The following STK32B variants were observed in gnomAD, a reference collection of about 807,000 sequenced individuals.
STK32B encodes the protein serine/threonine kinase 32B.
A neutral mutation model predicts 52.6 loss-of-function variants in STK32B; 43 were observed. That is an observed-to-expected ratio of 0.82 (90% CI 0.64 to 1.05). The LOEUF is 1.05. STK32B is among the 50% of genes least tolerant of loss of function. STK32B has a pLI of 0.00. For missense variants in STK32B, 621 were observed against 534.6 expected, an observed-to-expected ratio of 1.16 and a Z score of -1.59; for synonymous variants, 238 against 204.3, an observed-to-expected ratio of 1.17 and a Z score of -1.41.
intron 11 of STK32B, among the ~76,000 whole-genome samples, chr4:5,488,553 T>A (rs1404485573): frequency 6.6e-6 from 1 of 152,176 alleles, no homozygotes; most frequent in Non-Finnish European, 1.5e-5. Context: ...TCACACACAT[T>A]ACTTTCATAA....
At chr4:5,466,941 C>T in intron 10 of STK32B, 107 bp downstream of exon 10, 1 of 1,399,694 alleles carries the variant, frequency 7.1e-7, no homozygotes, top group East Asian at 2.5e-5. Context: ...ATCCTCCCTT[C>T]CAATTTCCTT....
intron 6 of STK32B, among the ~76,000 whole-genome samples, chr4:5,431,142 C>A (rs1451053939): frequency 3.9e-5 from 6 of 152,166 alleles, no homozygotes; most frequent in African/African-American, 1.4e-4. Context: ...TTTGCTAAGG[C>A]CCTGAGGCAA....
intron 7 of STK32B, among the ~76,000 whole-genome samples, chr4:5,450,530 G>A (rs115313206): frequency 0.012 from 1,788 of 152,282 alleles, 19 homozygotes; most frequent in Non-Finnish European, 0.017. Flanking sequence ...CCCTTACTCA[G>A]TCGAAAGCTG....
At chr4:5,393,889 T>TGATACCTCCCTGTCCCTC in intron 4 of STK32B, among the ~76,000 whole-genome samples, 1 of 152,224 alleles carries the variant, frequency 6.6e-6, no homozygotes, top group South Asian at 2.1e-4. Flanking sequence ...CTCTGTCCTT[T>TGATACCTCCCTGTCCCTC]GCTACCTCCC....
chr4:5,197,470 C>T (rs546311537), intron 3 of STK32B, among the ~76,000 whole-genome samples: 3 of 152,362 alleles, frequency 2.0e-5, no homozygotes, highest in African/African-American at 7.2e-5. Flanking sequence ...TGTTCCTCAT[C>T]ACTCTGTATC....
rs1227562812 is a variant in STK32B at position 5,456,935 on chromosome 4, G to C, written c.783+12G>C. 6.6e-7 allele frequency: 1 copy of C among 1,511,122 alleles called. No individual in the cohort carries two copies. Among genetic ancestry groups the C allele is most frequent in the Non-Finnish European group, 8.9e-7 (1 of 1,123,860 alleles). 93.6% of individuals were successfully genotyped at this position (1,511,122 alleles called of 1,614,324 possible). A position where few individuals can be genotyped will look rare whatever the true frequency, so the allele number is the denominator to read the frequency against. On this transcript the variant is annotated intron_variant, in intron 8 of 11. Transcript: ENST00000282908. Reference sequence around the variant, plus strand: ...CCCTGCTGAGGAAGGTAAGGGGGCAGCTTCCAGCCTGCCCCGCCAGGGAGC... The same window carrying C: ...CCCTGCTGAGGAAGGTAAGGGGGCACCTTCCAGCCTGCCCCGCCAGGGAGC...
intron 4 of STK32B, among the ~76,000 whole-genome samples, chr4:5,392,542 T>G (rs1029021336): frequency 6.6e-6 from 1 of 152,178 alleles, no homozygotes; most frequent in African/African-American, 2.4e-5. Flanking sequence ...CCTAATTTAT[T>G]TTTTTTCATT....
chr4:5,364,744 G>A (rs994342439), intron 4 of STK32B, among the ~76,000 whole-genome samples: 3 of 152,140 alleles, frequency 2.0e-5, no homozygotes, highest in African/African-American at 7.2e-5. Flanking sequence ...ATCATGCTAA[G>A]CAGAAGAAAA....
At chr4:5,439,996 G>A (rs1490534749) in intron 6 of STK32B, among the ~76,000 whole-genome samples, 1 of 152,158 alleles carries the variant, frequency 6.6e-6, no homozygotes, top group Non-Finnish European at 1.5e-5. Context: ...ATGCTGTTTT[G>A]GTTACTGTAG....
intron 3 of STK32B, among the ~76,000 whole-genome samples, chr4:5,184,999 G>T (rs1489724574): frequency 1.3e-5 from 2 of 152,240 alleles, no homozygotes; most frequent in Non-Finnish European, 2.9e-5. Flanking sequence ...AGGTGAGGTT[G>T]CTCCCTGTTT....
chr4:5,129,873 G>T (rs959580998), intron 1 of STK32B, among the ~76,000 whole-genome samples: 1 of 152,064 alleles, frequency 6.6e-6, no homozygotes. Context: ...TCATTCACTT[G>T]TTCTTTCTTT....
intron 4 of STK32B, among the ~76,000 whole-genome samples, chr4:5,371,483 T>C (rs1050279974): frequency 1.1e-4 from 16 of 152,288 alleles, no homozygotes; most frequent in African/African-American, 3.9e-4. Flanking sequence ...CAGGGGAGCC[T>C]GTCTAAAGTT....
chr4:5,333,632 C>G (rs1365713973), intron 4 of STK32B, among the ~76,000 whole-genome samples: 3 of 152,178 alleles, frequency 2.0e-5, no homozygotes, highest in Non-Finnish European at 4.4e-5. Flanking sequence ...AGACTTTAAT[C>G]CTTTTTGAAT....
chr4:5,230,510 A>C (rs1427864434), intron 3 of STK32B, among the ~76,000 whole-genome samples: 1 of 152,002 alleles, frequency 6.6e-6, no homozygotes, highest in Admixed American at 6.6e-5. Flanking sequence ...TTTACAAGAC[A>C]TTGTCCTATG....
chr4:5,120,872 T>G (rs1354517105), intron 1 of STK32B, among the ~76,000 whole-genome samples: 1 of 151,412 alleles, frequency 6.6e-6, no homozygotes, highest in Non-Finnish European at 1.5e-5. Context: ...ACACTTCATT[T>G]AAGAAATTAT....
intron 3 of STK32B, among the ~76,000 whole-genome samples, chr4:5,265,185 T>G (rs1410626239): frequency 5.3e-5 from 8 of 152,228 alleles, no homozygotes; most frequent in Non-Finnish European, 1.0e-4. Context: ...CCTAATAAAT[T>G]TCTTTGGTCC....
intron 11 of STK32B, among the ~76,000 whole-genome samples, chr4:5,477,117 T>G (rs1035104755): frequency 1.3e-5 from 2 of 152,152 alleles, no homozygotes; most frequent in Non-Finnish European, 2.9e-5. Flanking sequence ...TTCCAGGAAC[T>G]TAAAAGGCTC....
At chr4:5,113,879 G>A (rs550404337) in intron 1 of STK32B, among the ~76,000 whole-genome samples, 133 of 152,106 alleles carry the variant, frequency 8.7e-4, no homozygotes, top group Non-Finnish European at 1.3e-3. Context: ...CACATCTTAC[G>A]TGGATGGTGG....
chr4:5,329,430 T>A (rs1393624594), intron 3 of STK32B, among the ~76,000 whole-genome samples: 1 of 152,204 alleles, frequency 6.6e-6, no homozygotes, highest in East Asian at 1.9e-4. Context: ...TCTCTCTGTC[T>A]GAGTCACACA....
Sources: allele counts gnomAD v4.1 joint callset (sites outside exome capture counted in the v4.1 genomes callset), GRCh38; gene constraint gnomAD v4.1.1; transcripts MANE v1.5; gene names NCBI Gene and HGNC (gene_info 2026-07-23, HGNC 2026-07-21).